AUTS2: variants seen among roughly 807,000 people sequenced by gnomAD.
AUTS2 encodes autism susceptibility gene 2 protein.
In AUTS2, 17 loss-of-function variants were observed where a neutral mutation model predicts 112.4. That is an observed-to-expected ratio of 0.15 (90% confidence interval 0.10 to 0.23). AUTS2 has a LOEUF of 0.23. AUTS2 is among the 10% of genes least tolerant of loss of function. The probability of loss-of-function intolerance (pLI) is 1.00; values close to 1 mark genes in which losing one functional copy is unlikely to be tolerated. For missense variants in AUTS2, 1,510 were observed against 1,701.6 expected, an observed-to-expected ratio of 0.89 and a Z score of 1.98; for synonymous variants, 751 against 702.7, an observed-to-expected ratio of 1.07 and a Z score of -1.09.
intron 4 of AUTS2, among the ~76,000 whole-genome samples, chr7:70,385,927 A>G (rs370491112): frequency 6.6e-6 from 1 of 152,100 alleles, no homozygotes; most frequent in African/African-American, 2.4e-5. Context: ...TTTCTACTCA[A>G]CAGTATGGTT....
intron 2 of AUTS2, among the ~76,000 whole-genome samples, chr7:70,066,461 T>C (rs1269754740): frequency 6.6e-6 from 1 of 152,178 alleles, no homozygotes; most frequent in African/African-American, 2.4e-5. Flanking sequence ...ATGTCTGTTA[T>C]CTGTTTGCAA....
chr7:69,614,242 AT>A (rs1793198670), intron 1 of AUTS2, among the ~76,000 whole-genome samples: 1 of 151,978 alleles, frequency 6.6e-6, no homozygotes, highest in Admixed American at 6.5e-5. Flanking sequence ...CTGGGCCTGA[AT>A]TTTCTAAAGA....
At chr7:70,072,548 G>A (rs1201981992) in intron 2 of AUTS2, among the ~76,000 whole-genome samples, 2 of 152,160 alleles carry the variant, frequency 1.3e-5, no homozygotes, top group Non-Finnish European at 2.9e-5. Context: ...ACATCAGAGA[G>A]ATAATGGCAC....
At chr7:69,936,552 T>C (rs1245603001) in intron 2 of AUTS2, among the ~76,000 whole-genome samples, 9 of 152,152 alleles carry the variant, frequency 5.9e-5, no homozygotes, top group Non-Finnish European at 2.9e-5. Context: ...GGTTTCACCC[T>C]GTTAGCCAGG....
intron 1 of AUTS2, among the ~76,000 whole-genome samples, chr7:69,725,900 A>G (rs1786486261): frequency 6.6e-6 from 1 of 152,224 alleles, no homozygotes; most frequent in South Asian, 2.1e-4. Flanking sequence ...AATATTGGAT[A>G]TGAACAATTA....
chr7:70,364,667 A>G (rs1228607088), intron 4 of AUTS2, among the ~76,000 whole-genome samples: 1 of 152,004 alleles, frequency 6.6e-6, no homozygotes, highest in East Asian at 1.9e-4. Context: ...CAATTTAAAT[A>G]AATTTATTAA....
Position 69,671,470 on chromosome 7 carries a change from GGCT to G in AUTS2, c.309+71522_309+71524del, listed in dbSNP as rs143357830. 8.8e-3 allele frequency among the ~76,000 whole-genome samples: 1,274 copies of G among 145,196 alleles called. 21 individuals are homozygous for G. Among genetic ancestry groups the G allele is most frequent in the Middle Eastern group, 0.021 (6 of 292 alleles). On this transcript the variant is annotated intron_variant, in intron 1 of 18. Transcript: ENST00000342771. The stretch of plus-strand genomic sequence containing the variant: ...AACAGGGATCAGCACAAAATGTTTT[GGCT>G]GCTGCTGCTGCTGGTGTGTGTGTGT...
At chr7:70,699,958 T>A (rs954478511) in intron 6 of AUTS2, among the ~76,000 whole-genome samples, 37 of 152,296 alleles carry the variant, frequency 2.4e-4, no homozygotes, top group African/African-American at 8.2e-4. Flanking sequence ...CCCCAGGACC[T>A]CTGCCACATG....
intron 5 of AUTS2, among the ~76,000 whole-genome samples, chr7:70,524,087 G>A (rs1205172587): frequency 9.2e-5 from 14 of 152,238 alleles, no homozygotes; most frequent in Admixed American, 9.2e-4. Context: ...TTAGGTTGCT[G>A]TAGTTACTGT....
At chr7:70,772,072 A>C (rs1790384182) in intron 11 of AUTS2, among the ~76,000 whole-genome samples, 1 of 152,194 alleles carries the variant, frequency 6.6e-6, no homozygotes, top group South Asian at 2.1e-4. Flanking sequence ...TAAAGGTTCC[A>C]CAACTAAAAT....
chr7:69,920,122 T>C (rs1028041019), intron 2 of AUTS2, among the ~76,000 whole-genome samples: 4 of 152,124 alleles, frequency 2.6e-5, no homozygotes, highest in African/African-American at 9.7e-5. Flanking sequence ...ATTGTAACTT[T>C]AGATCTTTTA....
intron 1 of AUTS2, among the ~76,000 whole-genome samples, chr7:69,668,291 A>G (rs918495533): frequency 3.3e-5 from 5 of 152,214 alleles, no homozygotes; most frequent in Non-Finnish European, 5.9e-5. Context: ...GTGAAATTTC[A>G]TATCATGAAG....
chr7:69,937,845 C>G (rs1232194089), intron 2 of AUTS2, among the ~76,000 whole-genome samples: 1 of 152,154 alleles, frequency 6.6e-6, no homozygotes, highest in Non-Finnish European at 1.5e-5. Context: ...GGTGAAGCCC[C>G]TACCTCTCCA....
chr7:70,071,437 G>T (rs1484314576), intron 2 of AUTS2, among the ~76,000 whole-genome samples: 2 of 152,144 alleles, frequency 1.3e-5, no homozygotes, highest in Non-Finnish European at 2.9e-5. Context: ...AATAGTTCTT[G>T]ATTGTTCACA....
chr7:69,711,204 C>T lies in AUTS2; in HGVS notation c.309+111242C>T, dbSNP rs188621529. The stretch of plus-strand genomic sequence containing the variant: ...GCACTTGGCTTATGTGGTTCTATCC[C>T]ATTGCTTTGCCTGTTTGTGCCCCCG... On this transcript the variant is annotated intron_variant, in intron 1 of 18. Coordinates refer to ENST00000342771, the MANE Select transcript of AUTS2 (RefSeq NM_015570.4). 1.9e-3 allele frequency among the ~76,000 whole-genome samples: 296 copies of T among 152,148 alleles called. 1 individual carries two copies. The highest frequency in any genetic ancestry group is 6.7e-3 in the African/African-American group (278 of 41,512).
At chr7:69,888,248 G>C (rs928519743) in intron 1 of AUTS2, among the ~76,000 whole-genome samples, 5 of 151,834 alleles carry the variant, frequency 3.3e-5, no homozygotes, top group African/African-American at 1.2e-4. Context: ...TGTACAAGAA[G>C]AATGGTGCTG....
intron 1 of AUTS2, among the ~76,000 whole-genome samples, chr7:69,852,250 C>G (rs1398101314): frequency 6.6e-6 from 1 of 152,090 alleles, no homozygotes; most frequent in Non-Finnish European, 1.5e-5. Flanking sequence ...CTTTGCATCC[C>G]TGGAATAAAT....
At chr7:70,736,774 C>G (rs1344899301) in intron 6 of AUTS2, among the ~76,000 whole-genome samples, 1 of 152,166 alleles carries the variant, frequency 6.6e-6, no homozygotes, top group African/African-American at 2.4e-5. Context: ...GTTTTGTTTT[C>G]TGTTTCATAC....
Position 70,638,950 on chromosome 7 carries a change from G to C in AUTS2, c.691-59619G>C, listed in dbSNP as rs144546985. Among the ~76,000 whole-genome samples, 696 of 152,200 alleles carry C rather than the reference G, an allele frequency of 4.6e-3. 1 individual carries two copies. The highest frequency in any genetic ancestry group is 0.015 in the South Asian group (74 of 4,806). ...TAATGTGTTCAACTTGTCACTTTTA[G>C]TACAGAAGAGAGGTAATAAAGCTAA... On this transcript the variant is annotated intron_variant, in intron 5 of 18. Coordinates refer to ENST00000342771, the MANE Select transcript of AUTS2 (RefSeq NM_015570.4).
Sources: gnomAD v4.1 joint callset for allele counts (sites outside exome capture counted in the v4.1 genomes callset) on GRCh38, gnomAD v4.1.1 for gene constraint, MANE v1.5 for transcripts, NCBI Gene and HGNC (gene_info 2026-07-23, HGNC 2026-07-21) for gene names.